Variants in ACSL1 observed in about 807,000 individuals in gnomAD.
ACSL1 encodes the protein acyl-CoA synthetase long chain family member 1, also known as long-chain-fatty-acid--CoA ligase 1.
In ACSL1, 41 loss-of-function variants were observed where a neutral mutation model predicts 98.4. That is an observed-to-expected ratio of 0.42 (90% CI 0.32 to 0.54). The LOEUF (loss-of-function observed/expected upper bound fraction) is 0.54, where lower values mean the gene tolerates loss of function less well. ACSL1 is among the 20% of genes least tolerant of loss of function. The pLI is 0.13. For synonymous variants in ACSL1, 316 were observed against 322.7 expected (o/e 0.98, Z 0.22); for missense variants, 734 against 883.1 (o/e 0.83, Z 2.14).
chr4:184,823,498 A>G (rs1773226917), intron 1 of ACSL1, among the ~76,000 whole-genome samples: 1 of 152,258 alleles, frequency 6.6e-6, no homozygotes, highest in South Asian at 2.1e-4. Context: ...TCTAGAAATT[A>G]CTACTCCTAT....
At chr4:184,774,878 G>A (rs1304844529) in intron 7 of ACSL1, among the ~76,000 whole-genome samples, 3 of 152,082 alleles carry the variant, frequency 2.0e-5, no homozygotes, top group African/African-American at 4.8e-5. Context: ...CCAATTAGAG[G>A]TCAGCCAAAA....
intron 1 of ACSL1, among the ~76,000 whole-genome samples, chr4:184,804,454 C>T (rs973992280): frequency 6.6e-6 from 1 of 152,068 alleles, no homozygotes; most frequent in Non-Finnish European, 1.5e-5. Flanking sequence ...GTGGTGGACA[C>T]CTGTAATCCC....
In ACSL1 at chr4:184,757,571, T is replaced by C. The variant is rs894820910; in HGVS notation, c.1956+64A>G. 19 of 1,464,866 alleles carry C rather than the reference T, an allele frequency of 1.3e-5. No homozygotes were observed. Among genetic ancestry groups the C allele is most frequent in the South Asian group, 8.4e-5 (7 of 83,034 alleles). The allele number at this position is 1,464,866 out of a possible 1,614,324, so 90.7% of individuals were successfully genotyped here. ...ACCCCATATGTTTATATAATCTACCTGTAAAAAAATCTTAATGGAAAATTT... is the reference window on the plus strand; with the variant it reads ...ACCCCATATGTTTATATAATCTACCCGTAAAAAAATCTTAATGGAAAATTT... On this transcript the variant is annotated intron_variant, in intron 20 of 20. Transcript: ENST00000281455. This position sits in a 1 kb window ranked among gnomAD's most constrained non-coding sequence, Gnocchi z 4.5.
At position 184,825,216 on chromosome 4, in the gene ACSL1, T is replaced by G. The variant is rs1259248789; in HGVS notation, c.-33+700A>C. On this transcript the variant is annotated intron_variant, in intron 1 of 20. Transcript: ENST00000281455. The surrounding 1 kb of genome is among the most constrained non-coding windows in gnomAD (Gnocchi z 4.7). Reference sequence around the variant, plus strand: ...ACTCGAATCCACGTGTCCATTCAAGTCATCTACCGCCACTCTCCGTCTACG... The same window carrying G: ...ACTCGAATCCACGTGTCCATTCAAGGCATCTACCGCCACTCTCCGTCTACG... 1.0e-6 allele frequency: 1 copy of G among 985,168 alleles called. No homozygotes were observed. Among genetic ancestry groups the G allele is most frequent in the African/African-American group, 1.7e-5 (1 of 57,186 alleles). 61.0% of individuals were successfully genotyped at this position (985,168 alleles called of 1,614,324 possible).
chr4:184,757,397 T>C lies in ACSL1; in HGVS notation c.1957-132A>G. ...CCTCTCATTTCAGCCAAGCTGCACCTTCTCAACAAAGGACAGGCATCCTAT... is the reference window on the plus strand; with the variant it reads ...CCTCTCATTTCAGCCAAGCTGCACCCTCTCAACAAAGGACAGGCATCCTAT... On this transcript the variant is annotated intron_variant, in intron 20 of 20. Transcript: ENST00000281455. This position sits in a 1 kb window ranked among gnomAD's most constrained non-coding sequence, Gnocchi z 4.5. 8.2e-7 allele frequency: 1 copy of C among 1,216,652 alleles called. No individual in the cohort carries two copies. Among genetic ancestry groups the C allele is most frequent in the Non-Finnish European group, 1.1e-6 (1 of 884,988 alleles). 75.4% of individuals were successfully genotyped at this position (1,216,652 alleles called of 1,614,324 possible). A position where few individuals can be genotyped will look rare whatever the true frequency, so the allele number is the denominator to read the frequency against.
rs1763689048 is a variant in ACSL1, at chr4:184,766,855, C to T, written c.1129-99G>A. ...AACCCTCACACACAGCTGGGGAACA[C>T]AAAATGGCACAGCTGCTCTGACAGC... On this transcript the variant is annotated intron_variant, in intron 12 of 20. Transcript: ENST00000281455. This position sits in a 1 kb window ranked among gnomAD's most constrained non-coding sequence, Gnocchi z 4.8. 2 of 1,332,890 alleles carry T rather than the reference C, an allele frequency of 1.5e-6. No individual in the cohort carries two copies. The highest frequency in any genetic ancestry group is 1.5e-5 in the African/African-American group (1 of 68,116). The allele number at this position is 1,332,890 out of a possible 1,614,324, so 82.6% of individuals were successfully genotyped here.
At chr4:184,768,586 CT>C in intron 11 of ACSL1, 136 bp from the exon 12 acceptor site, 1 of 1,298,244 alleles carries the variant, frequency 7.7e-7, no homozygotes, top group Non-Finnish European at 1.0e-6. Context: ...ATATAGGTAA[CT>C]TAAAAAAAAT....
At chr4:184,819,411 G>C (rs955629716) in intron 1 of ACSL1, among the ~76,000 whole-genome samples, 1 of 152,042 alleles carries the variant, frequency 6.6e-6, no homozygotes, top group Non-Finnish European at 1.5e-5. Flanking sequence ...CCAAAGTGCT[G>C]AGATTACAGG....
intron 1 of ACSL1, among the ~76,000 whole-genome samples, chr4:184,816,789 T>C (rs976460056): frequency 6.6e-6 from 1 of 152,088 alleles, no homozygotes; most frequent in Non-Finnish European, 1.5e-5. Context: ...CACGGCTCTA[T>C]GGTTCTACCG....
intron 4 of ACSL1, among the ~76,000 whole-genome samples, chr4:184,782,906 G>C (rs1490078816): frequency 6.6e-6 from 1 of 152,192 alleles, no homozygotes; most frequent in Non-Finnish European, 1.5e-5. Flanking sequence ...AGGCTGCAGA[G>C]AACGATCCCT....
chr4:184,775,767 T>C (rs1765197098), intron 7 of ACSL1, among the ~76,000 whole-genome samples: 1 of 152,078 alleles, frequency 6.6e-6, no homozygotes, highest in Non-Finnish European at 1.5e-5. Flanking sequence ...TTCAGAAAAA[T>C]ATTTCTAACA....
At chr4:184,780,140 G>A (rs151167102) in intron 5 of ACSL1, among the ~76,000 whole-genome samples, 192 bp downstream of exon 5, 86 of 152,320 alleles carry the variant, frequency 5.6e-4, no homozygotes, top group African/African-American at 2.0e-3. Context: ...ACAAAGTGCT[G>A]GGATTACAGG....
At chr4:184,777,945 G>C (rs1765571765) in intron 5 of ACSL1, among the ~76,000 whole-genome samples, 3 of 152,344 alleles carry the variant, frequency 2.0e-5, no homozygotes, top group African/African-American at 7.2e-5. Context: ...AGCGGCTGTG[G>C]GGCTCAAGGA....
chr4:184,756,878 C>T lies in ACSL1; in HGVS notation c.*247G>A. On this transcript the variant is annotated 3_prime_UTR_variant, in exon 21 of 21. Coordinates refer to ENST00000281455, the MANE Select transcript of ACSL1 (RefSeq NM_001995.5). ...TAACTTAGCACATTTATAGTATCCCCTTTACAATTTTTAAGGCTCATTTTG... is the reference window on the plus strand; with the variant it reads ...TAACTTAGCACATTTATAGTATCCCTTTTACAATTTTTAAGGCTCATTTTG... 2.7e-6 allele frequency: 1 copy of T among 375,266 alleles called. No individual in the cohort carries two copies. Among genetic ancestry groups the T allele is most frequent in the East Asian group, 4.2e-5 (1 of 24,046 alleles). 23.2% of individuals were successfully genotyped at this position (375,266 alleles called of 1,614,324 possible).
intron 1 of ACSL1, among the ~76,000 whole-genome samples, chr4:184,812,445 CCTT>C (rs2150481620): frequency 6.6e-6 from 1 of 152,096 alleles, no homozygotes; most frequent in South Asian, 2.1e-4. Flanking sequence ...TCAGTAGTCT[CCTT>C]CTACCCGCCA....
intron 10 of ACSL1, among the ~76,000 whole-genome samples, chr4:184,772,638 C>T (rs1224049807): frequency 6.6e-6 from 1 of 152,174 alleles, no homozygotes; most frequent in Non-Finnish European, 1.5e-5. Context: ...CAAGGCTTTA[C>T]TACTTCTAGT....
intron 1 of ACSL1, among the ~76,000 whole-genome samples, chr4:184,812,675 G>C (rs545792015): frequency 1.3e-5 from 2 of 152,150 alleles, no homozygotes; most frequent in African/African-American, 4.8e-5. Flanking sequence ...TTTAGAAGAC[G>C]CTGAGATACA....
intron 1 of ACSL1, chr4:184,812,048 GA>G (rs1772172724): frequency 2.0e-6 from 1 of 497,476 alleles, no homozygotes; most frequent in Non-Finnish European, 2.6e-6. Flanking sequence ...CAACTACCCA[GA>G]AATCCTACAC....
rs773423025 is a variant in ACSL1 at position 184,760,371 on chromosome 4, C to T, written c.1768G>A (p.Gly590Arg). The change falls in exon 18 of 21, where the codon GGA becomes AGA. Residue 590 changes from glycine to arginine, a missense_variant. Physicochemically the swap from Gly to Arg is moderately radical, Grantham distance 125. Transcript: ENST00000281455. ...AAAGCACATACCTGCAGGCTTTCTC[C>T]GTGGACAAACACCTGAGCAACAGGC... is the stretch of plus-strand genomic sequence containing the variant. ...SEPVAQVFVH[G>R]ESLQAFLIAI... 7 of 1,613,978 alleles carry T rather than the reference C, an allele frequency of 4.3e-6. No homozygotes were observed. Among genetic ancestry groups the T allele is most frequent in the South Asian group, 1.1e-5 (1 of 91,082 alleles).
Sources: gnomAD v4.1 joint callset for allele counts (sites outside exome capture counted in the v4.1 genomes callset) on GRCh38, gnomAD v4.1.1 for gene constraint, Gnocchi (gnomAD v3.1) non-coding constraint, MANE v1.5 for transcripts, NCBI Gene and HGNC (gene_info 2026-07-23, HGNC 2026-07-21) for gene names.